EFNA5: variants seen among roughly 807,000 people sequenced by gnomAD.
EFNA5 encodes the protein ephrin-A5.
EFNA5 carries 5 observed loss-of-function variants against 22.9 expected under a neutral mutation model. The observed-to-expected ratio is 0.22, with a 90% CI of 0.11 to 0.46. The LOEUF (loss-of-function observed/expected upper bound fraction) is 0.46. EFNA5 is among the 20% of genes least tolerant of loss of function. The pLI is 0.99. For synonymous variants in EFNA5, 113 were observed against 112.2 expected (o/e 1.01, Z -0.04); for missense variants, 237 against 293.3 (o/e 0.81, Z 1.40).
intron 1 of EFNA5, among the ~76,000 whole-genome samples, chr5:107,472,289 C>T (rs1038398315): frequency 4.6e-5 from 7 of 152,288 alleles, no homozygotes; most frequent in East Asian, 3.9e-4. Flanking sequence ...CACTAGGTTA[C>T]GATGGCGTCA....
chr5:107,669,216 C>T (rs909246146), intron 1 of EFNA5, among the ~76,000 whole-genome samples: 11 of 152,144 alleles, frequency 7.2e-5, no homozygotes, highest in Middle Eastern at 3.4e-3. Flanking sequence ...AAACTGGAGG[C>T]GCCCACCGAT....
At chr5:107,658,664 C>T (rs2112558479) in intron 1 of EFNA5, among the ~76,000 whole-genome samples, 1 of 152,288 alleles carries the variant, frequency 6.6e-6, no homozygotes, top group East Asian at 1.9e-4. Flanking sequence ...AGTCATCTCT[C>T]TCCCACTTAA....
At chr5:107,544,640 C>T (rs765703814) in intron 1 of EFNA5, among the ~76,000 whole-genome samples, 2 of 152,252 alleles carry the variant, frequency 1.3e-5, no homozygotes, top group African/African-American at 2.4e-5. Context: ...GCAATTCAGG[C>T]GCTGGTCCTG....
At chr5:107,647,811 C>T (rs112572024) in intron 1 of EFNA5, among the ~76,000 whole-genome samples, 29 of 151,996 alleles carry the variant, frequency 1.9e-4, no homozygotes, top group African/African-American at 7.0e-4. Context: ...CACACTGTCA[C>T]AGGAAATGGG....
chr5:107,643,291 C>T (rs770576539), intron 1 of EFNA5, among the ~76,000 whole-genome samples: 4 of 152,108 alleles, frequency 2.6e-5, no homozygotes, highest in Non-Finnish European at 5.9e-5. Context: ...TTAGTGGTAG[C>T]AATTCTGGCT....
intron 1 of EFNA5, among the ~76,000 whole-genome samples, chr5:107,591,341 T>C (rs558416884): frequency 5.3e-5 from 8 of 152,292 alleles, no homozygotes; most frequent in Admixed American, 3.9e-4. Flanking sequence ...TGCCCAGCCA[T>C]AGAGCTGAAC....
chr5:107,492,774 G>A (rs1032829390), intron 1 of EFNA5, among the ~76,000 whole-genome samples: 14 of 152,186 alleles, frequency 9.2e-5, no homozygotes, highest in Admixed American at 2.0e-4. Context: ...CGAGGCGGGC[G>A]GATCATCTGA....
intron 1 of EFNA5, among the ~76,000 whole-genome samples, chr5:107,536,253 GC>G (rs1250020801): frequency 6.6e-6 from 1 of 152,154 alleles, no homozygotes; most frequent in East Asian, 1.9e-4. Context: ...CAAATAATCT[GC>G]TTGTTTCATA....
At chr5:107,571,582 G>T (rs1748806841) in intron 1 of EFNA5, among the ~76,000 whole-genome samples, 1 of 150,598 alleles carries the variant, frequency 6.6e-6, no homozygotes, top group African/African-American at 2.4e-5. Flanking sequence ...GCATAGGTTT[G>T]GGCTCTCTGA....
At chr5:107,510,128 T>C (rs1331550495) in intron 1 of EFNA5, among the ~76,000 whole-genome samples, 1 of 152,156 alleles carries the variant, frequency 6.6e-6, no homozygotes, top group Non-Finnish European at 1.5e-5. Context: ...CAGCATGTGG[T>C]AAAGAAGCCA....
chr5:107,544,242 T>G (rs1265494770), intron 1 of EFNA5, among the ~76,000 whole-genome samples: 3 of 152,142 alleles, frequency 2.0e-5, no homozygotes, highest in Non-Finnish European at 2.9e-5. Context: ...ATCAGATAGT[T>G]CTGACAACAG....
chr5:107,586,507 C>T (rs1423401933), intron 1 of EFNA5, among the ~76,000 whole-genome samples: 2 of 152,192 alleles, frequency 1.3e-5, no homozygotes, highest in African/African-American at 2.4e-5. Context: ...TGCATCTGGA[C>T]CCAAGAAAAT....
At chr5:107,432,184 A>G (rs1748979864) in intron 1 of EFNA5, among the ~76,000 whole-genome samples, 1 of 152,220 alleles carries the variant, frequency 6.6e-6, no homozygotes, top group South Asian at 2.1e-4. Context: ...AATAAGCCTC[A>G]GATTGCAGGG....
chr5:107,637,654 T>C (rs906059159), intron 1 of EFNA5, among the ~76,000 whole-genome samples: 2 of 149,626 alleles, frequency 1.3e-5, no homozygotes, highest in African/African-American at 2.4e-5. Flanking sequence ...TGTGTATATA[T>C]ACATAAACTG....
chr5:107,591,941 TATTATATATAATATATAATA>T lies in EFNA5; in HGVS notation c.125+78528_125+78547del. 1.4e-4 allele frequency among the ~76,000 whole-genome samples: 3 copies of T among 21,106 alleles called. 1 individual carries two copies. The highest frequency in any genetic ancestry group is 8.3e-4 in the Admixed American group (1 of 1,198). 13.8% of individuals were successfully genotyped at this position (21,106 alleles called of 152,430 possible). ...ATATATATATAATATATAATATATA[TATTATATATAATATATAATA>T]TATATAATATATATAATATATAATA... On this transcript the variant is annotated intron_variant, in intron 1 of 4. Transcript: ENST00000333274.
intron 2 of EFNA5, among the ~76,000 whole-genome samples, chr5:107,397,950 C>T (rs1482141124): frequency 6.6e-6 from 1 of 152,188 alleles, no homozygotes; most frequent in Non-Finnish European, 1.5e-5. Flanking sequence ...AAGTTAATGG[C>T]TGTGCATTCC....
intron 2 of EFNA5, among the ~76,000 whole-genome samples, chr5:107,401,407 G>T (rs1748081208): frequency 6.6e-6 from 1 of 152,126 alleles, no homozygotes; most frequent in African/African-American, 2.4e-5. Flanking sequence ...AAACTCAACA[G>T]GGGTTTTCCC....
intron 1 of EFNA5, among the ~76,000 whole-genome samples, chr5:107,555,017 G>A (rs532321656): frequency 1.3e-5 from 2 of 152,258 alleles, no homozygotes; most frequent in East Asian, 3.9e-4. Flanking sequence ...AACTCGATCT[G>A]GAGCTGTGCC....
intron 2 of EFNA5, among the ~76,000 whole-genome samples, chr5:107,414,851 C>A (rs1019287256): frequency 6.6e-6 from 1 of 151,842 alleles, no homozygotes; most frequent in African/African-American, 2.4e-5. Flanking sequence ...AATCTCTATA[C>A]CTATTGCAAA....
Sources: allele counts gnomAD v4.1 joint callset (sites outside exome capture counted in the v4.1 genomes callset), GRCh38; gene constraint gnomAD v4.1.1; transcripts MANE v1.5; gene names NCBI Gene and HGNC (gene_info 2026-07-23, HGNC 2026-07-21).